Variants in LMX1B observed in about 807,000 individuals in gnomAD.
LMX1B encodes LIM homeobox transcription factor 1-beta.
Under a neutral mutation model 51.4 loss-of-function variants are expected in LMX1B, and 12 were observed. The observed-to-expected ratio is 0.23, with a 90% CI of 0.15 to 0.38. The LOEUF (loss-of-function observed/expected upper bound fraction) is 0.38. Ranked by LOEUF, LMX1B falls within the 10% of genes least tolerant of loss-of-function variation. The probability of loss-of-function intolerance (pLI) is 1.00; values close to 1 mark genes in which losing one functional copy is unlikely to be tolerated. For synonymous variants in LMX1B, 237 were observed against 235.4 expected (o/e 1.01, Z -0.06); for missense variants, 445 against 571.1 (o/e 0.78, Z 2.25).
intron 3 of LMX1B, among the ~76,000 whole-genome samples, chr9:126,692,268 G>A (rs1440593584): frequency 6.6e-6 from 1 of 152,190 alleles, no homozygotes. Flanking sequence ...CAGCAGAGGG[G>A]GTCTCAGTGG....
chr9:126,659,140 C>T (rs572886398), intron 2 of LMX1B, among the ~76,000 whole-genome samples: 1 of 152,356 alleles, frequency 6.6e-6, no homozygotes, highest in East Asian at 1.9e-4. Context: ...TTGTCTAGCC[C>T]CAGAAGGGCC....
intron 2 of LMX1B, among the ~76,000 whole-genome samples, chr9:126,652,007 G>GA (rs967315436): frequency 6.6e-6 from 1 of 151,844 alleles, no homozygotes; most frequent in African/African-American, 2.4e-5. Flanking sequence ...AGATGGGGGG[G>GA]GGCCTGCCTG....
intron 2 of LMX1B, 66 bp from the exon 3 acceptor site, chr9:126,690,770 C>T (rs1238990566): frequency 1.7e-5 from 24 of 1,401,714 alleles, no homozygotes; most frequent in Non-Finnish European, 1.9e-5. Context: ...GAGAGGCCCT[C>T]GGCAGGAGTG....
At chr9:126,664,043 C>G (rs552932300) in intron 2 of LMX1B, among the ~76,000 whole-genome samples, 11 of 152,300 alleles carry the variant, frequency 7.2e-5, no homozygotes, top group Non-Finnish European at 1.2e-4. Context: ...CCCACGGAGC[C>G]CAAGTCTGAG....
At chr9:126,675,966 G>A (rs1389051036) in intron 2 of LMX1B, among the ~76,000 whole-genome samples, 14 of 143,760 alleles carry the variant, frequency 9.7e-5, no homozygotes, top group Admixed American at 8.4e-4. Context: ...GGAGAATGGC[G>A]TGAACCCGGG....
intron 2 of LMX1B, among the ~76,000 whole-genome samples, chr9:126,656,028 A>G (rs1449430081): frequency 1.3e-5 from 2 of 152,204 alleles, no homozygotes; most frequent in Non-Finnish European, 2.9e-5. Flanking sequence ...GCCCAGGCCA[A>G]TCTCCACTGA....
chr9:126,654,771 G>A (rs1365515407), intron 2 of LMX1B, among the ~76,000 whole-genome samples: 2 of 152,216 alleles, frequency 1.3e-5, no homozygotes, highest in Non-Finnish European at 2.9e-5. Flanking sequence ...GTGGGCCCAT[G>A]AGAAGAGGAG....
At chr9:126,670,912 G>C (rs1441121629) in intron 2 of LMX1B, among the ~76,000 whole-genome samples, 1 of 152,224 alleles carries the variant, frequency 6.6e-6, no homozygotes, top group East Asian at 1.9e-4. Flanking sequence ...TGTCACAGGT[G>C]AATTATCATG....
rs34916246 is a variant in LMX1B at position 126,615,264 on chromosome 9, G to A, written c.140-119G>A. 47 of 568,398 alleles carry A rather than the reference G, an allele frequency of 8.3e-5. No individual in the cohort carries two copies. Among genetic ancestry groups the A allele is most frequent in the Admixed American group, 1.0e-4 (2 of 19,942 alleles). The allele number at this position is 568,398 out of a possible 1,614,324, so 35.2% of individuals were successfully genotyped here. A position where few individuals can be genotyped will look rare whatever the true frequency, so the allele number is the denominator to read the frequency against. On this transcript the variant is annotated intron_variant, in intron 1 of 7. Transcript: ENST00000373474. The surrounding 1 kb of genome is among the most constrained non-coding windows in gnomAD (Gnocchi z 6.0). ...GGCGGTCCGGGGAGCGCAGGCGGCA[G>A]GCGGTGATCCCGGGCGGCCCGAGCC... is the stretch of plus-strand genomic sequence containing the variant.
Position 126,695,149 on chromosome 9 carries a change from C to T in LMX1B, c.887-690C>T, listed in dbSNP as rs1564170550. On this transcript the variant is annotated intron_variant, in intron 6 of 7. Coordinates refer to ENST00000373474, the MANE Select transcript of LMX1B (RefSeq NM_001174147.2). The surrounding 1 kb of genome is among the most constrained non-coding windows in gnomAD (Gnocchi z 5.2). The stretch of plus-strand genomic sequence containing the variant: ...CACCTTGACAGAGACCCCACCCTTC[C>T]TCTGGCTTCCTCACCCACTGGCCCC... Among the ~76,000 whole-genome samples, 1 of 152,198 alleles carries T rather than the reference C, an allele frequency of 6.6e-6. No homozygotes were observed. Among genetic ancestry groups the T allele is most frequent in the Non-Finnish European group, 1.5e-5 (1 of 68,032 alleles).
chr9:126,645,532 C>A (rs1010102340), intron 2 of LMX1B, among the ~76,000 whole-genome samples: 1 of 152,258 alleles, frequency 6.6e-6, no homozygotes, highest in Non-Finnish European at 1.5e-5. Context: ...CGAGGAGCAT[C>A]TTGTTCAGTG....
At chr9:126,667,887 A>C (rs528903398) in intron 2 of LMX1B, among the ~76,000 whole-genome samples, 2 of 152,334 alleles carry the variant, frequency 1.3e-5, no homozygotes, top group Admixed American at 1.3e-4. Context: ...AGTTAAATCA[A>C]TCAATCAATG....
intron 1 of LMX1B, among the ~76,000 whole-genome samples, chr9:126,614,832 C>T (rs1835271086): frequency 6.6e-6 from 1 of 152,154 alleles, no homozygotes; most frequent in African/African-American, 2.4e-5. Flanking sequence ...GGTTCTAGAG[C>T]TGCCACTCCG....
rs376788103 is a variant in LMX1B at position 126,675,772 on chromosome 9, G to A, written c.327-15064G>A. Among the ~76,000 whole-genome samples the A allele has an allele frequency of 2.6e-4, 38 of 148,370 alleles. 1 individual carries two copies. The East Asian group carries it at 6.5e-3, about 25-fold the overall frequency. On this transcript the variant is annotated intron_variant, in intron 2 of 7. Transcript: ENST00000373474. ...AAAGATAAAAAATGTTCAGTAGGCC[G>A]GGCGCGGTGGCTCACGCCTGTAATC...
intron 6 of LMX1B, among the ~76,000 whole-genome samples, chr9:126,694,522 C>T (rs1173181113): frequency 6.6e-6 from 1 of 152,218 alleles, no homozygotes; most frequent in African/African-American, 2.4e-5. Context: ...ACATCAGAAT[C>T]TTGAGCCAGG....
At chr9:126,690,445 G>T (rs1403353419) in intron 2 of LMX1B, among the ~76,000 whole-genome samples, 1 of 152,162 alleles carries the variant, frequency 6.6e-6, no homozygotes, top group Non-Finnish European at 1.5e-5. Context: ...GGTGAGGGAG[G>T]ATCAGAGGAG....
intron 2 of LMX1B, among the ~76,000 whole-genome samples, chr9:126,687,623 C>T (rs2029952442): frequency 1.3e-5 from 2 of 152,192 alleles, no homozygotes; most frequent in Admixed American, 1.3e-4. Flanking sequence ...GGAGGTTGTG[C>T]CCGCCACACC....
intron 2 of LMX1B, among the ~76,000 whole-genome samples, chr9:126,687,538 C>G (rs984122872): frequency 2.0e-4 from 31 of 152,258 alleles, no homozygotes; most frequent in African/African-American, 7.0e-4. Flanking sequence ...CTGATCATTC[C>G]CATTTTATAG....
At chr9:126,640,970 A>G (rs530639332) in intron 2 of LMX1B, 3 of 152,456 alleles carry the variant, frequency 2.0e-5, no homozygotes, top group African/African-American at 7.2e-5. Flanking sequence ...TGGACTTTCT[A>G]AAACAGCCTC....
Sources: gnomAD v4.1 joint callset for allele counts (sites outside exome capture counted in the v4.1 genomes callset) on GRCh38, gnomAD v4.1.1 for gene constraint, Gnocchi (gnomAD v3.1) non-coding constraint, MANE v1.5 for transcripts, NCBI Gene and HGNC (gene_info 2026-07-23, HGNC 2026-07-21) for gene names.